The following BMERB1 variants were observed in gnomAD, a reference collection of about 807,000 sequenced individuals.
BMERB1 encodes the protein bMERB domain-containing protein 1.
BMERB1 carries 12 observed loss-of-function variants against 23.6 expected under a neutral mutation model. The observed-to-expected ratio is 0.51, with a 90% confidence interval of 0.33 to 0.82. The LOEUF (loss-of-function observed/expected upper bound fraction) is 0.82. Among genes scored for constraint, BMERB1 ranks in the 40% least tolerant of loss-of-function variants. The probability of loss-of-function intolerance (pLI) is 0.03; values close to 1 mark genes in which losing one functional copy is unlikely to be tolerated. For synonymous variants in BMERB1, 122 were observed against 96.6 expected (o/e 1.26, Z -1.54); for missense variants, 247 against 255.4 (o/e 0.97, Z 0.22).
intron 1 of BMERB1, among the ~76,000 whole-genome samples, chr16:15,441,014 G>A (rs2050935195): frequency 1.3e-5 from 2 of 152,160 alleles, no homozygotes; most frequent in African/African-American, 4.8e-5. Context: ...TAAAGGCCTT[G>A]TGCTAGAGGA....
At chr16:15,568,198 G>C in intron 3 of BMERB1, 142 bp downstream of exon 3, 1 of 657,484 alleles carries the variant, frequency 1.5e-6, no homozygotes, top group South Asian at 1.9e-5. Context: ...ACACAACTTC[G>C]AGTCAGGAAG....
chr16:15,533,067 T>TCGC (rs1214959038), intron 2 of BMERB1: 6 of 454,602 alleles, frequency 1.3e-5, no homozygotes, highest in Non-Finnish European at 2.7e-5. Context: ...ATCCAGTATC[T>TCGC]CGCAGGGTGG....
chr16:15,445,285 T>C (rs146531159), intron 1 of BMERB1, among the ~76,000 whole-genome samples: 8 of 152,292 alleles, frequency 5.3e-5, no homozygotes, highest in African/African-American at 1.9e-4. Flanking sequence ...GAGACACAGA[T>C]TGGAAATCAT....
At chr16:15,564,172 A>G (rs535666493) in intron 2 of BMERB1, among the ~76,000 whole-genome samples, 5 of 152,360 alleles carry the variant, frequency 3.3e-5, no homozygotes, top group Admixed American at 2.6e-4. Flanking sequence ...TTGTCTTTAT[A>G]AAGATATTAT....
intron 2 of BMERB1, among the ~76,000 whole-genome samples, chr16:15,564,018 C>CGGGG (rs2150970716): frequency 6.6e-6 from 1 of 152,266 alleles, no homozygotes; most frequent in East Asian, 1.9e-4. Flanking sequence ...AGCCTGGCAC[C>CGGGG]TCCCCCTCTC....
intron 2 of BMERB1, among the ~76,000 whole-genome samples, chr16:15,531,168 A>G (rs996438598): frequency 6.6e-6 from 1 of 151,784 alleles, no homozygotes; most frequent in Non-Finnish European, 1.5e-5. Context: ...CAGCCTCCCA[A>G]AGTGTTGGGA....
rs190108907 is a variant in BMERB1 at position 15,576,933 on chromosome 16, C to G, written c.305-4284C>G. Reference sequence around the variant, plus strand: ...TCGAGAAGTCCCTGAATGGGAATTCCGGCCTGTGGCAGACTGCACCAAATT... The same window carrying G: ...TCGAGAAGTCCCTGAATGGGAATTCGGGCCTGTGGCAGACTGCACCAAATT... On this transcript the variant is annotated intron_variant, in intron 3 of 5. Coordinates refer to ENST00000300006, the MANE Select transcript of BMERB1 (RefSeq NM_033201.3). 1.0e-3 allele frequency among the ~76,000 whole-genome samples: 157 copies of G among 152,228 alleles called. 3 individuals are homozygous for G. Among genetic ancestry groups the G allele is most frequent in the East Asian group, 5.2e-3 (27 of 5,176 alleles).
chr16:15,575,604 G>A (rs1433234949), intron 3 of BMERB1, among the ~76,000 whole-genome samples: 1 of 152,112 alleles, frequency 6.6e-6, no homozygotes, highest in African/African-American at 2.4e-5. Flanking sequence ...AAATAAGCGA[G>A]GAAAGAATGA....
chr16:15,585,245 G>A (rs1218052963), intron 5 of BMERB1, among the ~76,000 whole-genome samples: 1 of 152,180 alleles, frequency 6.6e-6, no homozygotes, highest in Admixed American at 6.5e-5. Flanking sequence ...GCATGGAGGA[G>A]GAGCAAGGAA....
chr16:15,446,236 A>T (rs546576905), intron 1 of BMERB1, among the ~76,000 whole-genome samples: 2 of 152,126 alleles, frequency 1.3e-5, no homozygotes, highest in South Asian at 4.2e-4. Flanking sequence ...ACAAAAAAAT[A>T]AAAAAATAAA....
intron 1 of BMERB1, among the ~76,000 whole-genome samples, chr16:15,490,889 C>G (rs9934691): frequency 0.071 from 10,783 of 152,204 alleles, 1,255 homozygotes; most frequent in African/African-American, 0.24. Context: ...GTCACCCAGG[C>G]TGTGGTGCAG....
At chr16:15,448,012 C>T (rs1048545811) in intron 1 of BMERB1, 1 of 422,284 alleles carries the variant, frequency 2.4e-6, no homozygotes, top group African/African-American at 2.0e-5. Flanking sequence ...GCCTCAGCCT[C>T]CTGAGTAGCC....
intron 1 of BMERB1, among the ~76,000 whole-genome samples, chr16:15,493,074 G>A (rs147402678): frequency 0.018 from 2,675 of 152,050 alleles, 103 homozygotes; most frequent in Admixed American, 0.093. Context: ...AAACTGTCAA[G>A]GGCAGGCTGG....
At chr16:15,444,123 G>GTTTTTTTTTTTTTTGTTTTTTTT (rs2050966802) in intron 1 of BMERB1, among the ~76,000 whole-genome samples, 1 of 35,610 alleles carries the variant, frequency 2.8e-5, no homozygotes, top group African/African-American at 1.3e-4. Flanking sequence ...CACCAGCTTT[G>GTTTTTTTTTTTTTTGTTTTTTTT]TTTTTTTTTT....
At chr16:15,585,046 T>C (rs991584208) in intron 5 of BMERB1, among the ~76,000 whole-genome samples, 2 of 152,186 alleles carry the variant, frequency 1.3e-5, no homozygotes, top group Non-Finnish European at 2.9e-5. Flanking sequence ...AAGCTGCCAC[T>C]GTCTATAAAA....
intron 1 of BMERB1, among the ~76,000 whole-genome samples, chr16:15,478,947 A>G (rs181192073): frequency 6.6e-6 from 1 of 152,342 alleles, no homozygotes; most frequent in East Asian, 1.9e-4. Context: ...TGTCTCAAGG[A>G]AAAGCACTTA....
chr16:15,531,981 G>A (rs1186135332), intron 2 of BMERB1, among the ~76,000 whole-genome samples: 2 of 152,086 alleles, frequency 1.3e-5, no homozygotes, highest in African/African-American at 4.8e-5. Context: ...TGGTGTTTTG[G>A]GTCTACACAA....
intron 1 of BMERB1, among the ~76,000 whole-genome samples, chr16:15,500,078 C>T (rs2051513411): frequency 6.6e-6 from 1 of 152,162 alleles, no homozygotes; most frequent in South Asian, 2.1e-4. Flanking sequence ...TATCACTGCC[C>T]ATCTCCAGTT....
chr16:15,522,267 A>G (rs1415059354), intron 2 of BMERB1, among the ~76,000 whole-genome samples: 9 of 152,214 alleles, frequency 5.9e-5, no homozygotes, highest in South Asian at 2.1e-4. Context: ...TGCGAAGGAC[A>G]TATTTCAAGA....
Sources: gnomAD v4.1 joint callset for allele counts (sites outside exome capture counted in the v4.1 genomes callset) on GRCh38, gnomAD v4.1.1 for gene constraint, MANE v1.5 for transcripts, NCBI Gene and HGNC (gene_info 2026-07-23, HGNC 2026-07-21) for gene names.